Variants in CACNA2D2 observed in about 807,000 individuals in gnomAD.
CACNA2D2 encodes the protein calcium voltage-gated channel auxiliary subunit alpha2delta 2, also known as voltage-dependent calcium channel subunit alpha-2/delta-2.
Under a neutral mutation model 166.4 loss-of-function variants are expected in CACNA2D2, and 48 were observed. The ratio of observed to expected loss-of-function variants is 0.29; its 90% confidence interval spans 0.23 to 0.37. CACNA2D2 has a LOEUF of 0.37. CACNA2D2 is among the 10% of genes least tolerant of loss of function. The pLI is 1.00. For synonymous variants in CACNA2D2, 561 were observed against 573.7 expected (o/e 0.98, Z 0.32); for missense variants, 1,122 against 1,433.0 (o/e 0.78, Z 3.50).
At chr3:50,373,075 G>C (rs1172648627) in intron 22 of CACNA2D2, 3 of 1,535,222 alleles carry the variant, frequency 2.0e-6, no homozygotes, top group African/African-American at 2.7e-5. Flanking sequence ...CCTTCAGTTT[G>C]CTGATTGGCA....
rs753533293 is a variant in CACNA2D2 at position 50,366,947 on chromosome 3, T to C, written c.2501-28A>G. ...TTGGGGGAGAGCAAGGGACCATCAG[T>C]GCTACCTGCCCAGGCAGTACCCTGT... On this transcript the variant is annotated intron_variant, in intron 28 of 37. Coordinates refer to ENST00000424201, the MANE Select transcript of CACNA2D2 (RefSeq NM_006030.4). This position sits in a 1 kb window ranked among gnomAD's most constrained non-coding sequence, Gnocchi z 5.9. 1.2e-6 allele frequency: 2 copies of C among 1,613,400 alleles called. No homozygotes were observed. The highest frequency in any genetic ancestry group is 8.5e-7 in the Non-Finnish European group (1 of 1,179,660).
chr3:50,475,091 A>G (rs1214107900), intron 2 of CACNA2D2, among the ~76,000 whole-genome samples: 1 of 152,032 alleles, frequency 6.6e-6, no homozygotes, highest in Non-Finnish European at 1.5e-5. Context: ...TTCACACCCA[A>G]TGTCAACACA....
rs1387528143 is a variant in CACNA2D2, at chr3:50,379,894, G to A, written c.894-70C>T. On this transcript the variant is annotated intron_variant, in intron 9 of 37. Transcript: ENST00000424201. This position sits in a 1 kb window ranked among gnomAD's most constrained non-coding sequence, Gnocchi z 6.5. ...ACGTGTTCTCCTGCCCATCCCCCAA[G>A]ATGTTCAGGGCAGCAGAGTCTAGCC... The A allele has an allele frequency of 5.0e-6, 8 of 1,611,754 alleles. No individual in the cohort carries two copies. The highest frequency in any genetic ancestry group is 2.2e-5 in the South Asian group (2 of 91,036).
chr3:50,449,637 G>T (rs951242669), intron 2 of CACNA2D2, among the ~76,000 whole-genome samples: 1 of 152,226 alleles, frequency 6.6e-6, no homozygotes. Context: ...ATCAAGGCCA[G>T]GGATGAAAAT....
At position 50,389,209 on chromosome 3, in the gene CACNA2D2, C is replaced by T. The variant is rs140531205; in HGVS notation, c.466-1597G>A. ...CTGCAGGGTGCTCGGCCTTTCCCTG[C>T]GCCCGGCTCCGACCGAAGCGCATAA... On this transcript the variant is annotated intron_variant, in intron 4 of 37. Transcript: ENST00000424201. Among the ~76,000 whole-genome samples, 591 of 152,328 alleles carry T rather than the reference C, an allele frequency of 3.9e-3. 5 individuals carry two copies. Among genetic ancestry groups the T allele is most frequent in the Middle Eastern group, 0.014 (4 of 294 alleles).
At chr3:50,370,516 C>T in intron 22 of CACNA2D2, 136 bp from the exon 23 acceptor site, 1 of 651,010 alleles carries the variant, frequency 1.5e-6, no homozygotes. Flanking sequence ...AGGAAACCCG[C>T]CATTTCCACG....
intron 3 of CACNA2D2, among the ~76,000 whole-genome samples, chr3:50,430,752 G>A (rs1206626727): frequency 6.6e-6 from 1 of 152,126 alleles, no homozygotes; most frequent in South Asian, 2.1e-4. Flanking sequence ...AAGAACTTAG[G>A]CACCTCCCTA....
chr3:50,379,044 C>A lies in CACNA2D2; in HGVS notation c.1260+48G>T. On this transcript the variant is annotated intron_variant, in intron 12 of 37. Transcript: ENST00000424201. The surrounding 1 kb of genome is among the most constrained non-coding windows in gnomAD (Gnocchi z 6.5). ...GTGGCCACCAGGGGACAGCCCTCTT[C>A]TGTACTGGGCCCAGGTCAGGGTAGC... 1 of 1,613,676 alleles carries A rather than the reference C, an allele frequency of 6.2e-7. No homozygotes were observed. The highest frequency in any genetic ancestry group is 8.5e-7 in the Non-Finnish European group (1 of 1,179,736).
chr3:50,495,503 T>C (rs1318288312), intron 1 of CACNA2D2, among the ~76,000 whole-genome samples: 5 of 152,256 alleles, frequency 3.3e-5, no homozygotes, highest in Admixed American at 2.6e-4. Context: ...GCCTTATTTA[T>C]GAAGACTCAG....
At chr3:50,424,981 T>C (rs1275005713) in intron 3 of CACNA2D2, among the ~76,000 whole-genome samples, 1 of 152,062 alleles carries the variant, frequency 6.6e-6, no homozygotes, top group East Asian at 1.9e-4. Flanking sequence ...TAAGCCAAGG[T>C]ACCTCCCACA....
intron 2 of CACNA2D2, among the ~76,000 whole-genome samples, chr3:50,454,485 G>A (rs1709260338): frequency 6.6e-6 from 1 of 152,158 alleles, no homozygotes; most frequent in Non-Finnish European, 1.5e-5. Flanking sequence ...CCCCCGAGGA[G>A]AGCGGAGCCT....
chr3:50,387,852 T>A (rs954582109), intron 4 of CACNA2D2, among the ~76,000 whole-genome samples: 4 of 152,144 alleles, frequency 2.6e-5, no homozygotes, highest in African/African-American at 9.7e-5. Context: ...GACTGAGAAT[T>A]CCCTGGGCCT....
At position 50,380,698 on chromosome 3, in the gene CACNA2D2, G is replaced by T; in HGVS notation, c.842+50C>A. 7.2e-7 allele frequency: 1 copy of T among 1,392,548 alleles called. No homozygotes were observed. Among genetic ancestry groups the T allele is most frequent in the Admixed American group, 2.8e-5 (1 of 35,408 alleles). 86.3% of individuals were successfully genotyped at this position (1,392,548 alleles called of 1,614,324 possible). ...GGGAGGGAGGGGAGCAGGCAGGAAA[G>T]GTGGGGAACTGAGGGGGTGTCCCTC... On this transcript the variant is annotated intron_variant, in intron 8 of 37. Transcript: ENST00000424201. This position sits in a 1 kb window ranked among gnomAD's most constrained non-coding sequence, Gnocchi z 4.9.
chr3:50,379,873 G>A lies in CACNA2D2; in HGVS notation c.894-49C>T, dbSNP rs760382362. 4 of 1,611,936 alleles carry A rather than the reference G, an allele frequency of 2.5e-6. No homozygotes were observed. In the South Asian group the frequency reaches 4.4e-5, roughly 18 times the overall value. ...TGGAGGAGCCAGGGGAACCTCACGT[G>A]TTCTCCTGCCCATCCCCCAAGATGT... On this transcript the variant is annotated intron_variant, in intron 9 of 37. Transcript: ENST00000424201. This position sits in a 1 kb window ranked among gnomAD's most constrained non-coding sequence, Gnocchi z 6.5.
chr3:50,413,171 G>A (rs1177492331), intron 3 of CACNA2D2, among the ~76,000 whole-genome samples: 3 of 152,262 alleles, frequency 2.0e-5, no homozygotes, highest in East Asian at 3.9e-4. Context: ...GGAGCTGGTT[G>A]GGGTAGGGGG....
rs1705225299 is a variant in CACNA2D2, at chr3:50,380,123, T to C, written c.843-105A>G. The C allele has an allele frequency of 1.7e-6, 2 of 1,160,310 alleles. No homozygotes were observed. Among genetic ancestry groups the C allele is most frequent in the Non-Finnish European group, 2.6e-6 (2 of 783,190 alleles). The allele number at this position is 1,160,310 out of a possible 1,614,324, so 71.9% of individuals were successfully genotyped here. A position where few individuals can be genotyped will look rare whatever the true frequency, so the allele number is the denominator to read the frequency against. ...CAATACATTTCTCTTGAGCATGCAC[T>C]GTGTGGGCCAGGCAGGGTTCTATGC... is the stretch of plus-strand genomic sequence containing the variant. On this transcript the variant is annotated intron_variant, in intron 8 of 37. Transcript: ENST00000424201. The surrounding 1 kb of genome is among the most constrained non-coding windows in gnomAD (Gnocchi z 4.9).
At chr3:50,372,691 C>T (rs1704718545) in intron 22 of CACNA2D2, among the ~76,000 whole-genome samples, 1 of 152,194 alleles carries the variant, frequency 6.6e-6, no homozygotes, top group Admixed American at 6.5e-5. Context: ...CATCTCAGGC[C>T]TCCAGCCCTG....
chr3:50,468,286 T>C (rs1559978196), intron 2 of CACNA2D2, among the ~76,000 whole-genome samples: 1 of 152,060 alleles, frequency 6.6e-6, no homozygotes, highest in Non-Finnish European at 1.5e-5. Context: ...TTCAACAAGA[T>C]GCAAGGGCTG....
At chr3:50,383,147 T>G (rs1454440783) in intron 6 of CACNA2D2, among the ~76,000 whole-genome samples, 1 of 152,150 alleles carries the variant, frequency 6.6e-6, no homozygotes, top group Admixed American at 6.5e-5. Context: ...GTGGCTCCTG[T>G]TTTAATTAGT....
Sources: gnomAD v4.1 joint callset for allele counts (sites outside exome capture counted in the v4.1 genomes callset) on GRCh38, gnomAD v4.1.1 for gene constraint, Gnocchi (gnomAD v3.1) non-coding constraint, MANE v1.5 for transcripts, NCBI Gene and HGNC (gene_info 2026-07-23, HGNC 2026-07-21) for gene names.